Variants in COG7 observed in about 807,000 individuals in gnomAD.
COG7 encodes the protein component of oligomeric golgi complex 7, also known as conserved oligomeric Golgi complex subunit 7.
Under a neutral mutation model 91.5 loss-of-function variants are expected in COG7, and 49 were observed. The observed-to-expected ratio is 0.54, with a 90% CI of 0.43 to 0.68. The LOEUF is 0.68. Ranked by LOEUF, COG7 falls within the 30% of genes least tolerant of loss-of-function variation. The pLI, the probability that COG7 is intolerant of heterozygous loss-of-function variation, is 0.00. For missense variants in COG7, 895 were observed against 961.3 expected, an observed-to-expected ratio of 0.93 and a Z score of 0.91; for synonymous variants, 365 against 388.7, an observed-to-expected ratio of 0.94 and a Z score of 0.72.
At chr16:23,391,133 G>A (rs1285745963) in intron 16 of COG7, among the ~76,000 whole-genome samples, 1 of 152,198 alleles carries the variant, frequency 6.6e-6, no homozygotes, top group Non-Finnish European at 1.5e-5. Context: ...CACTAAGCAT[G>A]GGAGCTGCCT....
rs767518060 is a variant in COG7 at position 23,393,265 on chromosome 16, T to C, written c.1970A>G (p.His657Arg). 11 of 1,613,936 alleles carry C rather than the reference T, an allele frequency of 6.8e-6. No individual in the cohort carries two copies. The highest frequency in any genetic ancestry group is 1.3e-5 in the African/African-American group (1 of 74,898). The change falls in exon 15 of 17, where the codon CAC becomes CGC. Residue 657 changes from histidine (H) to arginine (R), a missense_variant. Transcript: ENST00000307149. ...AGGAGGAAATGGCAGCTTTCCAGCG[T>C]GCAATGCCAACTCTAAGGCAGAGTC... ...QEDSALELAL[H>R]AGKLPFPPEQ...
At chr16:23,432,317 G>A (rs971317347) in intron 6 of COG7, among the ~76,000 whole-genome samples, 2 of 152,084 alleles carry the variant, frequency 1.3e-5, no homozygotes, top group African/African-American at 4.8e-5. Flanking sequence ...ATGAACATCT[G>A]AAGAGTGATT....
intron 7 of COG7, among the ~76,000 whole-genome samples, chr16:23,422,374 A>G (rs1488249753): frequency 1.3e-5 from 2 of 151,684 alleles, no homozygotes; most frequent in African/African-American, 4.8e-5. Flanking sequence ...TTAATGACAT[A>G]AGAAAATGCC....
At chr16:23,394,666 G>A (rs1963256002) in intron 14 of COG7, among the ~76,000 whole-genome samples, 1 of 152,082 alleles carries the variant, frequency 6.6e-6, no homozygotes, top group African/African-American at 2.4e-5. Flanking sequence ...AGGGTGTAGT[G>A]TCCAGAAGTT....
intron 6 of COG7, among the ~76,000 whole-genome samples, chr16:23,426,628 C>A (rs1963849861): frequency 6.6e-6 from 1 of 151,042 alleles, no homozygotes; most frequent in African/African-American, 2.4e-5. Context: ...AATTCCATAC[C>A]CTTCATGAGA....
At chr16:23,435,912 T>C (rs1964006748) in intron 4 of COG7, among the ~76,000 whole-genome samples, 2 of 152,206 alleles carry the variant, frequency 1.3e-5, no homozygotes, top group Non-Finnish European at 2.9e-5. Flanking sequence ...ATAAGAACAC[T>C]TAAATAAGTG....
chr16:23,433,481 G>C (rs1963965012), intron 6 of COG7, 64 bp downstream of exon 6: 1 of 1,607,018 alleles, frequency 6.2e-7, no homozygotes, highest in Non-Finnish European at 8.5e-7. Flanking sequence ...CCACTCCCGA[G>C]GCAGTCACCC....
At chr16:23,408,452 CG>C in intron 11 of COG7, among the ~76,000 whole-genome samples, 1 of 7,370 alleles carries the variant, frequency 1.4e-4, no homozygotes, top group South Asian at 4.0e-3. Flanking sequence ...AGGCGAGTGG[CG>C]GGGGGAGGTG....
At chr16:23,449,762 A>C (rs1451813955) in intron 1 of COG7, among the ~76,000 whole-genome samples, 2 of 151,698 alleles carry the variant, frequency 1.3e-5, no homozygotes, top group East Asian at 1.9e-4. Context: ...AAAAAAAAAA[A>C]AAAAACCTCC....
intron 4 of COG7, among the ~76,000 whole-genome samples, chr16:23,441,150 A>G (rs1403411321): frequency 3.9e-5 from 6 of 152,228 alleles, no homozygotes; most frequent in African/African-American, 1.4e-4. Context: ...TGGGTCCTGG[A>G]AAAGTTAAAA....
Position 23,393,308 on chromosome 16 carries a change from G to T in COG7, c.1927C>A (p.Pro643Thr). 2 of 1,614,078 alleles carry T rather than the reference G, an allele frequency of 1.2e-6. No individual in the cohort carries two copies. The highest frequency in any genetic ancestry group is 1.7e-6 in the Non-Finnish European group (2 of 1,179,964). The stretch of plus-strand genomic sequence containing the variant: ...GCAGAGTCCTCCTGAGTCACAAATG[G>T]CTCAAGATTCAGGGGGAGGGACATG... ...YIMSLPLNLE[P>T]FVTQEDSALE... Residue 643 changes from proline (P) to threonine (T), a missense_variant, in exon 15 of 17, where the codon CCA (proline) becomes ACA (threonine). Physicochemically the swap from Pro to Thr is conservative, Grantham distance 38 (BLOSUM62 -1). Coordinates refer to ENST00000307149, the MANE Select transcript of COG7 (RefSeq NM_153603.4).
At chr16:23,434,306 C>A (rs907832043) in intron 5 of COG7, among the ~76,000 whole-genome samples, 2 of 152,120 alleles carry the variant, frequency 1.3e-5, no homozygotes, top group African/African-American at 4.8e-5. Flanking sequence ...AAGAGAAATT[C>A]TTACTGCCTT....
chr16:23,422,522 T>C (rs1466861976), intron 7 of COG7, among the ~76,000 whole-genome samples: 9 of 149,096 alleles, frequency 6.0e-5, no homozygotes, highest in Non-Finnish European at 1.5e-5. Flanking sequence ...ATTTAATATG[T>C]TATGTATTTA....
intron 14 of COG7, chr16:23,394,839 CTT>C (rs1488600978): frequency 1.3e-5 from 2 of 149,190 alleles, no homozygotes; most frequent in African/African-American, 5.0e-5. Flanking sequence ...GAGTTTTGCT[CTT>C]GTTGCCCAGG....
chr16:23,447,253 CCA>C (rs1964196252), intron 1 of COG7: 1 of 152,006 alleles, frequency 6.6e-6, no homozygotes, highest in Admixed American at 6.6e-5. Context: ...CCTCTGTCAC[CCA>C]GACTGGAGTG....
intron 6 of COG7, among the ~76,000 whole-genome samples, chr16:23,430,144 G>T (rs250553): frequency 6.6e-6 from 1 of 152,172 alleles, no homozygotes; most frequent in African/African-American, 2.4e-5. Context: ...CTATGGCTGG[G>T]TGCAGTGGTT....
rs757062270 is a variant in COG7, at chr16:23,392,219, G to C, written c.2146+161C>G. The C allele has an allele frequency of 7.9e-6, 12 of 1,509,502 alleles. No individual in the cohort carries two copies. In the Admixed American group the frequency reaches 2.0e-4, roughly 25 times the overall value. 93.5% of individuals were successfully genotyped at this position (1,509,502 alleles called of 1,614,324 possible). Reference sequence around the variant, plus strand: ...GTCTTGCTAAGTCAGAATCTCTGGGGCAGGGCCTGGAGAACCTGAATTTTC... The same window carrying C: ...GTCTTGCTAAGTCAGAATCTCTGGGCCAGGGCCTGGAGAACCTGAATTTTC... On this transcript the variant is annotated intron_variant, in intron 16 of 16. Coordinates refer to ENST00000307149, the MANE Select transcript of COG7 (RefSeq NM_153603.4).
At position 23,420,910 on chromosome 16, in the gene COG7, ATTTTTTT is replaced by A. The variant is rs72250117; in HGVS notation, c.1010-2090_1010-2084del. 7.4e-3 allele frequency among the ~76,000 whole-genome samples: 878 copies of A among 118,500 alleles called. 11 individuals carry two copies. The highest frequency in any genetic ancestry group is 0.028 in the African/African-American group (816 of 28,946). The allele number at this position is 118,500 out of a possible 152,430, so 77.7% of individuals were successfully genotyped here. On this transcript the variant is annotated intron_variant, in intron 7 of 16. Coordinates refer to ENST00000307149, the MANE Select transcript of COG7 (RefSeq NM_153603.4). ...AGGTGTATGCTACTATACCTGGCTA[ATTTTTTT>A]TTTTTTTTTTTTTTTTTGTAGAGAT...
At chr16:23,406,606 T>C (rs1963468038) in intron 11 of COG7, among the ~76,000 whole-genome samples, 1 of 152,210 alleles carries the variant, frequency 6.6e-6, no homozygotes, top group Non-Finnish European at 1.5e-5. Flanking sequence ...TATATGAGCA[T>C]CAGGGTGTAG....
Sources: gnomAD v4.1 joint callset for allele counts (sites outside exome capture counted in the v4.1 genomes callset) on GRCh38, gnomAD v4.1.1 for gene constraint, MANE v1.5 for transcripts, NCBI Gene and HGNC (gene_info 2026-07-23, HGNC 2026-07-21) for gene names.